ZNF514: variants seen among roughly 807,000 people sequenced by gnomAD.
ZNF514 encodes zinc finger protein 514.
A neutral mutation model predicts 9.7 loss-of-function variants in ZNF514; 12 were observed. The observed-to-expected ratio is 1.24, with a 90% CI of 0.79 to 2.01. The LOEUF (loss-of-function observed/expected upper bound fraction) is 2.01, where lower values mean the gene tolerates loss of function less well. ZNF514 is among the 30% of genes most tolerant of loss of function. ZNF514 has a pLI of 0.00. For synonymous variants in ZNF514, 158 were observed against 163.7 expected (o/e 0.97, Z 0.27); for missense variants, 467 against 465.5 (o/e 1.00, Z -0.03).
chr2:95,153,864 C>G (rs1348652135), intron 2 of ZNF514: 1 of 152,182 alleles, frequency 6.6e-6, no homozygotes, highest in Non-Finnish European at 1.5e-5. Context: ...TATTGTATGG[C>G]AATCCACTAA....
chr2:95,125,921 G>A, the ZNF514 span, among the ~76,000 whole-genome samples: 1 of 152,182 alleles, frequency 6.6e-6, no homozygotes, highest in African/African-American at 2.4e-5. Context: ...CTGTGAACAT[G>A]AGTGTGCAGA....
intron 3 of ZNF514, among the ~76,000 whole-genome samples, 172 bp from the exon 4 acceptor site, chr2:95,152,941 C>G (rs1193031087): frequency 6.6e-6 from 1 of 152,172 alleles, no homozygotes; most frequent in Non-Finnish European, 1.5e-5. Context: ...CCATAAGTAG[C>G]TGGATGTTTC....
Position 95,153,173 on chromosome 2 carries a change from C to A in ZNF514, c.81G>T (p.Arg27Ser), listed in dbSNP as rs1361873565. The change falls in exon 3 of 5, where the codon AGG (arginine) becomes AGT (serine). Residue 27 changes from arginine (R) to serine (S), a missense_variant. Arg to Ser is a moderately radical substitution (Grantham distance 110). Coordinates refer to ENST00000295208, the MANE Select transcript of ZNF514 (RefSeq NM_032788.3). Reference sequence around the variant, plus strand: ...TCCTGAAGTTCTCCAGCATCACCTCCCTGTAGAGGTCCTTCTGAGCAGGGT... The same window carrying A: ...TCCTGAAGTTCTCCAGCATCACCTCACTGTAGAGGTCCTTCTGAGCAGGGT... ...QLNPAQKDLY[R>S]EVMLENFRNL... The A allele has an allele frequency of 2.5e-6, 4 of 1,613,938 alleles. 1 individual carries two copies. The African/African-American group carries it at 5.3e-5, about 22-fold the overall frequency.
chr2:95,136,635 A>G, the ZNF514 span, among the ~76,000 whole-genome samples: 1 of 152,084 alleles, frequency 6.6e-6, no homozygotes, highest in African/African-American at 2.4e-5. Flanking sequence ...AAAAAAAAAA[A>G]AAGAGGGAAC....
At chr2:95,152,575 C>T (rs1326520418) in intron 4 of ZNF514, 99 bp downstream of exon 4, 2 of 940,562 alleles carry the variant, frequency 2.1e-6, no homozygotes, top group Non-Finnish European at 3.4e-6. Context: ...GCCAAGTGAT[C>T]TCATCTTCTG....
At chr2:95,139,437 T>A in the ZNF514 span, among the ~76,000 whole-genome samples, 1 of 152,104 alleles carries the variant, frequency 6.6e-6, no homozygotes. Context: ...GGATATGGAG[T>A]CAAAGGAGGT....
At chr2:95,152,983 G>A (rs1453785379) in intron 3 of ZNF514, 150 bp downstream of exon 3, 4 of 1,073,830 alleles carry the variant, frequency 3.7e-6, no homozygotes, top group Middle Eastern at 2.9e-4. Flanking sequence ...CTGTATCACT[G>A]GGCCCCAAAG....
chr2:95,138,476 T>C, the ZNF514 span, among the ~76,000 whole-genome samples: 25 of 152,312 alleles, frequency 1.6e-4, no homozygotes, highest in African/African-American at 5.8e-4. Context: ...AGCAAAGAAC[T>C]TGGCTGTATT....
At chr2:95,156,142 A>G (rs1673680607) in intron 2 of ZNF514, among the ~76,000 whole-genome samples, 1 of 152,222 alleles carries the variant, frequency 6.6e-6, no homozygotes, top group South Asian at 2.1e-4. Context: ...GACTTTACTG[A>G]TTAAATTCCT....
the ZNF514 span, among the ~76,000 whole-genome samples, chr2:95,139,253 C>G: frequency 1.3e-5 from 2 of 152,200 alleles, no homozygotes; most frequent in African/African-American, 2.4e-5. Context: ...AGCCCCCACA[C>G]AGTGTCCCCA....
At chr2:95,138,385 AG>A in the ZNF514 span, among the ~76,000 whole-genome samples, 5 of 152,222 alleles carry the variant, frequency 3.3e-5, no homozygotes, top group Non-Finnish European at 5.9e-5. Flanking sequence ...TGATATGGAC[AG>A]TGAAGTCCAT....
chr2:95,149,499 G>C lies in ZNF514; in HGVS notation c.986C>G (p.Ser329Ter). The stretch of plus-strand genomic sequence containing the variant: ...AAATCTGTAATGCACAATGAGTGAT[G>C]AGCTCTGGCTGAAGGTTCTCCCACA... Reference protein sequence around the residue: ...RECGRTFSQSSSLIVHYRFHT... With the variant: ...RECGRTFSQS The change falls in exon 5 of 5, where the codon TCA becomes TGA. Residue 329 changes from serine to a stop codon, truncating the protein, a stop_gained. Coordinates refer to ENST00000295208, the MANE Select transcript of ZNF514 (RefSeq NM_032788.3). LOFTEE classifies it low-confidence loss of function (END_TRUNC). 6.2e-7 allele frequency: 1 copy of C among 1,614,076 alleles called. No individual in the cohort carries two copies. Among genetic ancestry groups the C allele is most frequent in the Non-Finnish European group, 8.5e-7 (1 of 1,180,004 alleles).
chr2:95,158,390 C>T (rs1673744531), intron 1 of ZNF514, among the ~76,000 whole-genome samples: 2 of 152,186 alleles, frequency 1.3e-5, no homozygotes, highest in African/African-American at 4.8e-5. Context: ...GATTAAAATG[C>T]CCACCTGGTT....
the ZNF514 span, among the ~76,000 whole-genome samples, chr2:95,132,405 T>C: frequency 6.6e-6 from 1 of 151,912 alleles, no homozygotes; most frequent in Non-Finnish European, 1.5e-5. Flanking sequence ...GAAATGCAAA[T>C]CAAACCCACA....
intron 1 of ZNF514, 139 bp from the exon 2 acceptor site, chr2:95,157,578 G>A: frequency 9.8e-6 from 4 of 408,066 alleles, no homozygotes; most frequent in South Asian, 7.7e-5. Context: ...AAAAGGATCT[G>A]AGAGGCAGCT....
At chr2:95,142,021 C>T (rs1310253442), downstream of ZNF514, among the ~76,000 whole-genome samples, 3 of 152,088 alleles carry the variant, frequency 2.0e-5, no homozygotes, top group East Asian at 5.8e-4. Flanking sequence ...TATGGTCATT[C>T]TTCTTTTCAT....
intron 4 of ZNF514, among the ~76,000 whole-genome samples, chr2:95,150,620 G>GT (rs1053767450): frequency 6.6e-6 from 1 of 152,062 alleles, no homozygotes; most frequent in Admixed American, 6.5e-5. Flanking sequence ...GTATAGGATC[G>GT]TAAGTCACCC....
rs1673343655 is a variant in ZNF514, at chr2:95,145,741, T to TA, written c.*3540dup. Reference sequence around the variant, plus strand: ...TGATGTCTTACATTCCCCTAAAATGTAAAAATGCATGAAACCAAGCTGTAG... The same window carrying TA: ...TGATGTCTTACATTCCCCTAAAATGTAAAAAATGCATGAAACCAAGCTGTAG... On this transcript the variant is annotated 3_prime_UTR_variant, in exon 5 of 5. Transcript: ENST00000295208. Among the ~76,000 whole-genome samples, 9 of 152,306 alleles carry TA rather than the reference T, an allele frequency of 5.9e-5. No homozygotes were observed. In the South Asian group the frequency reaches 1.9e-3, roughly 32 times the overall value.
Position 95,149,199 on chromosome 2 carries a change from T to C in ZNF514, c.*83A>G, listed in dbSNP as rs1225902112. ...GTGGTCTTCCCACATACATTACACC[T>C]TTAGGATCTCTCTCTGATATGAATT... On this transcript the variant is annotated 3_prime_UTR_variant, in exon 5 of 5. Coordinates refer to ENST00000295208, the MANE Select transcript of ZNF514 (RefSeq NM_032788.3). 1 of 1,475,354 alleles carries C rather than the reference T, an allele frequency of 6.8e-7. No homozygotes were observed. The highest frequency in any genetic ancestry group is 2.3e-5 in the Admixed American group (1 of 43,984). 91.4% of individuals were successfully genotyped at this position (1,475,354 alleles called of 1,614,324 possible). A position where few individuals can be genotyped will look rare whatever the true frequency, so the allele number is the denominator to read the frequency against.
Sources: gnomAD v4.1 joint callset for allele counts (sites outside exome capture counted in the v4.1 genomes callset) on GRCh38, gnomAD v4.1.1 for gene constraint, MANE v1.5 for transcripts, NCBI Gene and HGNC (gene_info 2026-07-23, HGNC 2026-07-21) for gene names.